GIGYF2: variants seen among roughly 807,000 people sequenced by gnomAD.
GIGYF2 encodes the protein GRB10-interacting GYF protein 2.
A neutral mutation model predicts 208.1 loss-of-function variants in GIGYF2; 25 were observed. The observed-to-expected ratio is 0.12, with a 90% CI of 0.09 to 0.17. The LOEUF (loss-of-function observed/expected upper bound fraction) is 0.17. GIGYF2 is among the 10% of genes least tolerant of loss of function. The pLI, the probability that GIGYF2 is intolerant of heterozygous loss-of-function variation, is 1.00. For synonymous variants in GIGYF2, 534 were observed against 543.8 expected (o/e 0.98, Z 0.25); for missense variants, 1,302 against 1,579.4 (o/e 0.82, Z 2.98).
chr2:232,769,280 C>T (rs35428351), intron 8 of GIGYF2, among the ~76,000 whole-genome samples: 24,220 of 151,978 alleles, frequency 0.16, 2,045 homozygotes, highest in South Asian at 0.3. Flanking sequence ...CCTGTAATCC[C>T]GGCACTTTGG....
At chr2:232,744,761 T>C (rs1480186268) in intron 3 of GIGYF2, among the ~76,000 whole-genome samples, 1 of 151,996 alleles carries the variant, frequency 6.6e-6, no homozygotes, top group East Asian at 1.9e-4. Flanking sequence ...TGAACTCTTG[T>C]ACTGAAGTGA....
At chr2:232,816,766 A>C in intron 19 of GIGYF2, 105 bp from the exon 20 acceptor site, 1 of 840,730 alleles carries the variant, frequency 1.2e-6, no homozygotes, top group East Asian at 2.5e-5. Flanking sequence ...GCAGTGCAGT[A>C]CGGTACAAGC....
Position 232,811,222 on chromosome 2 carries a change from CTT to C in GIGYF2, c.1899-13_1899-12del. ...ACTAAGTGTGGATTGACAGGTTATA[CTT>C]TTTTTTTTACTTTTTGAAGACAACA... On this transcript the variant is annotated intron_variant, in intron 16 of 28. Coordinates refer to ENST00000373563, the MANE Select transcript of GIGYF2 (RefSeq NM_001103146.3). The C allele has an allele frequency of 2.5e-5, 30 of 1,202,170 alleles. No individual in the cohort carries two copies. The highest frequency in any genetic ancestry group is 3.0e-5 in the Non-Finnish European group (25 of 835,326). The allele number at this position is 1,202,170 out of a possible 1,614,324, so 74.5% of individuals were successfully genotyped here. A position where few individuals can be genotyped will look rare whatever the true frequency, so the allele number is the denominator to read the frequency against.
At position 232,756,298 on chromosome 2, in the gene GIGYF2, G is replaced by A; in HGVS notation, c.343G>A (p.Gly115Arg). The A allele has an allele frequency of 6.3e-7, 1 of 1,587,282 alleles. No homozygotes were observed. The highest frequency in any genetic ancestry group is 1.4e-5 in the African/African-American group (1 of 72,820). Residue 115 changes from glycine (G) to arginine (R), a missense_variant, in exon 6 of 29, where the codon GGG becomes AGG. Transcript: ENST00000373563. Reference sequence around the variant, plus strand: ...ACGAGGAGGAGGAGGAACAGTGGTGGGGGCTCCTAGAGGTCGAAGTTCTTC... The same window carrying A: ...ACGAGGAGGAGGAGGAACAGTGGTGAGGGCTCCTAGAGGTCGAAGTTCTTC... The part of the protein sequence containing the change: ...TGRGGGGTVV[G>R]APRGRSSSRG...
chr2:232,790,983 C>G, intron 10 of GIGYF2, 25 bp from the exon 11 acceptor site: 1 of 1,613,486 alleles, frequency 6.2e-7, no homozygotes, highest in Non-Finnish European at 8.5e-7. Flanking sequence ...TGCTGTTGAT[C>G]TTTGGTTTTA....
chr2:232,787,657 A>G (rs1026177270), intron 9 of GIGYF2, among the ~76,000 whole-genome samples: 2 of 152,238 alleles, frequency 1.3e-5, no homozygotes, highest in African/African-American at 4.8e-5. Flanking sequence ...TTTAAGATTT[A>G]TAAATGTGTA....
At chr2:232,788,495 G>A (rs1222133348) in intron 9 of GIGYF2, 1 of 459,418 alleles carries the variant, frequency 2.2e-6, no homozygotes, top group South Asian at 1.6e-5. Context: ...TAGGCAGAGG[G>A]TTTGTAGACT....
intron 8 of GIGYF2, among the ~76,000 whole-genome samples, chr2:232,775,329 AAAAC>A (rs150450381): frequency 0.017 from 2,536 of 152,292 alleles, 156 homozygotes; most frequent in East Asian, 0.11. Context: ...TCCTTAGATT[AAAAC>A]AAAGAAAGTG....
chr2:232,710,285 C>T (rs1231282165), intron 2 of GIGYF2, among the ~76,000 whole-genome samples: 1 of 151,882 alleles, frequency 6.6e-6, no homozygotes, highest in African/African-American at 2.4e-5. Context: ...GAGGGGATCT[C>T]GCTATGTTAC....
chr2:232,772,294 A>G (rs1161823010), intron 8 of GIGYF2, among the ~76,000 whole-genome samples: 2 of 152,074 alleles, frequency 1.3e-5, no homozygotes, highest in Non-Finnish European at 2.9e-5. Context: ...GTCCTGGATG[A>G]TGGATTGCTA....
In GIGYF2 at chr2:232,736,983, T is replaced by C. The variant is rs554680283; in HGVS notation, c.41+1745T>C. ...TACACATTTAGCTTGATGCCTAATA[T>C]TATGGGTTGGCAAACTATGGCCTGT... On this transcript the variant is annotated intron_variant, in intron 3 of 28. Transcript: ENST00000373563. Among the ~76,000 whole-genome samples, 13 of 152,352 alleles carry C rather than the reference T, an allele frequency of 8.5e-5. No homozygotes were observed. In the South Asian group the frequency reaches 2.1e-3, roughly 24 times the overall value.
chr2:232,857,283 G>T lies in GIGYF2; in HGVS notation c.*423G>T. ...CCCATCAGGGCAAATGGTCTAACTG[G>T]TGCAATCATGAAGAGAGTTAATGGT... On this transcript the variant is annotated 3_prime_UTR_variant, in exon 29 of 29. Coordinates refer to ENST00000373563, the MANE Select transcript of GIGYF2 (RefSeq NM_001103146.3). The T allele has an allele frequency of 3.5e-6, 1 of 282,458 alleles. No individual in the cohort carries two copies. The highest frequency in any genetic ancestry group is 6.9e-6 in the Non-Finnish European group (1 of 144,974). 17.5% of individuals were successfully genotyped at this position (282,458 alleles called of 1,614,324 possible).
In GIGYF2 at chr2:232,756,050, G is replaced by A. The variant is rs189083648; in HGVS notation, c.268-173G>A. 1.0e-3 allele frequency among the ~76,000 whole-genome samples: 152 copies of A among 152,180 alleles called. 2 individuals carry two copies. Among genetic ancestry groups the A allele is most frequent in the Admixed American group, 8.8e-3 (135 of 15,294 alleles). Reference sequence around the variant, plus strand: ...CAATTATCAGGTAAAATCAAGTTTTGGATCATTTCGTATGTTGTGCAGTTA... The same window carrying A: ...CAATTATCAGGTAAAATCAAGTTTTAGATCATTTCGTATGTTGTGCAGTTA... On this transcript the variant is annotated intron_variant, in intron 5 of 28. Transcript: ENST00000373563.
chr2:232,829,564 C>T (rs1166959925), intron 21 of GIGYF2, among the ~76,000 whole-genome samples: 3 of 152,232 alleles, frequency 2.0e-5, no homozygotes, highest in Non-Finnish European at 4.4e-5. Flanking sequence ...ATCTCAGTTA[C>T]TGAGTTTTTC....
rs572277906 is a variant in GIGYF2, at chr2:232,705,105, T to C, written c.-44+1616T>C. Among the ~76,000 whole-genome samples the C allele has an allele frequency of 2.1e-3, 319 of 151,948 alleles. 1 individual carries two copies. The highest frequency in any genetic ancestry group is 7.4e-3 in the African/African-American group (306 of 41,472). On this transcript the variant is annotated intron_variant, in intron 2 of 28. Transcript: ENST00000373563. ...CGATCTCCTGACCTCGTGATCCGCC[T>C]GCCTCGGCCTCCCAAAGTGCTGGGA...
At chr2:232,848,295 T>C (rs1221486075) in intron 27 of GIGYF2, among the ~76,000 whole-genome samples, 2 of 152,190 alleles carry the variant, frequency 1.3e-5, no homozygotes, top group Non-Finnish European at 2.9e-5. Context: ...CTCACAGCCT[T>C]CCTGTGCTTA....
In GIGYF2 at chr2:232,709,372, G is replaced by A. The variant is rs540742850; in HGVS notation, c.-44+5883G>A. Among the ~76,000 whole-genome samples the A allele has an allele frequency of 7.9e-5, 12 of 152,190 alleles. No homozygotes were observed. The East Asian group carries it at 2.3e-3, about 29-fold the overall frequency. ...ATTGGGTTTTCTTTTTAGATACAGGGTCTTGCTCTGTCATGCAGGCAGCTT... is the reference window on the plus strand; with the variant it reads ...ATTGGGTTTTCTTTTTAGATACAGGATCTTGCTCTGTCATGCAGGCAGCTT... On this transcript the variant is annotated intron_variant, in intron 2 of 28. Transcript: ENST00000373563.
intron 6 of GIGYF2, 120 bp downstream of exon 6, chr2:232,756,454 A>G: frequency 1.7e-6 from 1 of 579,118 alleles, no homozygotes; most frequent in Non-Finnish European, 3.0e-6. Flanking sequence ...ACTGCATACT[A>G]AATGTCCTGA....
chr2:232,720,578 TA>T (rs1696887933), intron 2 of GIGYF2, among the ~76,000 whole-genome samples: 4 of 132,602 alleles, frequency 3.0e-5, no homozygotes, highest in African/African-American at 1.1e-4. Flanking sequence ...TATATATATA[TA>T]TATATTTTTG....
Sources: allele counts gnomAD v4.1 joint callset (sites outside exome capture counted in the v4.1 genomes callset), GRCh38; gene constraint gnomAD v4.1.1; transcripts MANE v1.5; gene names NCBI Gene and HGNC (gene_info 2026-07-23, HGNC 2026-07-21).